Variants in CNTNAP2 observed in about 807,000 individuals in gnomAD.
CNTNAP2 encodes the protein contactin associated protein 2.
A neutral mutation model predicts 155.2 loss-of-function variants in CNTNAP2; 98 were observed. The observed-to-expected ratio is 0.63, with a 90% CI of 0.54 to 0.75. The LOEUF is 0.75. Ranked by LOEUF, CNTNAP2 falls within the 30% of genes least tolerant of loss-of-function variation. The pLI is 0.00. For missense variants in CNTNAP2, 1,727 were observed against 1,688.1 expected (o/e 1.02, Z -0.40); for synonymous variants, 651 against 631.2 (o/e 1.03, Z -0.47).
intron 1 of CNTNAP2, among the ~76,000 whole-genome samples, chr7:146,217,627 C>T (rs963057884): frequency 5.3e-5 from 8 of 152,036 alleles, no homozygotes; most frequent in African/African-American, 7.2e-5. Flanking sequence ...AAAAACTCTA[C>T]TGTGTTATGA....
intron 3 of CNTNAP2, among the ~76,000 whole-genome samples, chr7:146,902,586 C>T (rs1796025825): frequency 6.6e-6 from 1 of 152,110 alleles, no homozygotes; most frequent in African/African-American, 2.4e-5. Context: ...GCAGGACAAC[C>T]ACCTGTGGCT....
At chr7:147,639,061 T>C (rs1466160376) in intron 12 of CNTNAP2, 45 bp from the exon 13 acceptor site, 1 of 1,579,796 alleles carries the variant, frequency 6.3e-7, no homozygotes, top group Middle Eastern at 1.7e-4. Context: ...GGAGAAGCAT[T>C]TGCATACTAA....
At chr7:147,787,484 A>G (rs1584955033) in intron 13 of CNTNAP2, among the ~76,000 whole-genome samples, 1 of 152,242 alleles carries the variant, frequency 6.6e-6, no homozygotes, top group Admixed American at 6.5e-5. Flanking sequence ...TGTATACCAC[A>G]TGGTTAGAAT....
chr7:146,212,045 A>G (rs1799042272), intron 1 of CNTNAP2, among the ~76,000 whole-genome samples: 1 of 152,130 alleles, frequency 6.6e-6, no homozygotes, highest in Admixed American at 6.5e-5. Flanking sequence ...ATGCTCATTC[A>G]AAGATATTAA....
At chr7:146,521,453 C>T (rs903419683) in intron 1 of CNTNAP2, among the ~76,000 whole-genome samples, 1 of 151,676 alleles carries the variant, frequency 6.6e-6, no homozygotes, top group African/African-American at 2.4e-5. Context: ...GAATAATTTA[C>T]TTTTTTTTCC....
At chr7:147,199,941 A>G (rs184643776) in intron 8 of CNTNAP2, among the ~76,000 whole-genome samples, 1 of 152,280 alleles carries the variant, frequency 6.6e-6, no homozygotes, top group East Asian at 1.9e-4. Flanking sequence ...ATTAATATAA[A>G]CACATGCTAA....
chr7:146,287,819 A>G (rs1038356037), intron 1 of CNTNAP2, among the ~76,000 whole-genome samples: 1 of 152,176 alleles, frequency 6.6e-6, no homozygotes, highest in Non-Finnish European at 1.5e-5. Context: ...ATCTCATTTG[A>G]GCCTTGGAAT....
At chr7:147,145,883 A>C (rs1801691785) in intron 8 of CNTNAP2, among the ~76,000 whole-genome samples, 1 of 152,118 alleles carries the variant, frequency 6.6e-6, no homozygotes, top group South Asian at 2.1e-4. Flanking sequence ...CCCGGTACAC[A>C]CTTTATGTAC....
intron 12 of CNTNAP2, among the ~76,000 whole-genome samples, chr7:147,638,042 C>T (rs892106857): frequency 3.5e-4 from 54 of 152,238 alleles, no homozygotes; most frequent in African/African-American, 1.3e-3. Context: ...GGTTACCTAG[C>T]ATCTTCCAAA....
At chr7:147,138,004 GAATA>G (rs72427683) in intron 8 of CNTNAP2, among the ~76,000 whole-genome samples, 3,511 of 151,782 alleles carry the variant, frequency 0.023, 98 homozygotes, top group African/African-American at 0.071. Context: ...GGAATAGATT[GAATA>G]AATAAATAAA....
At chr7:146,231,243 C>T (rs1003711962) in intron 1 of CNTNAP2, among the ~76,000 whole-genome samples, 8 of 152,074 alleles carry the variant, frequency 5.3e-5, no homozygotes, top group African/African-American at 1.7e-4. Flanking sequence ...GACCCTGCAA[C>T]ATGGAAATAG....
chr7:146,969,185 A>G (rs1046970671), intron 3 of CNTNAP2, among the ~76,000 whole-genome samples: 44 of 152,182 alleles, frequency 2.9e-4, no homozygotes, highest in African/African-American at 1.1e-3. Flanking sequence ...ACAGTTTGTT[A>G]TAATGTCTGA....
chr7:147,839,897 G>GTA (rs748190593), intron 13 of CNTNAP2, among the ~76,000 whole-genome samples: 7 of 151,586 alleles, frequency 4.6e-5, no homozygotes, highest in East Asian at 3.9e-4. Context: ...GTGTGTGTGT[G>GTA]TATATATATG....
chr7:147,669,618 A>G (rs112177805), intron 13 of CNTNAP2, among the ~76,000 whole-genome samples: 1,663 of 152,260 alleles, frequency 0.011, 35 homozygotes, highest in African/African-American at 0.039. Context: ...TGGTAGTGAA[A>G]CAATGACTCC....
At chr7:147,478,325 G>T (rs925362725) in intron 10 of CNTNAP2, among the ~76,000 whole-genome samples, 4 of 151,876 alleles carry the variant, frequency 2.6e-5, no homozygotes, top group African/African-American at 9.7e-5. Flanking sequence ...GCTAATTTTT[G>T]TATTTTTATT....
intron 15 of CNTNAP2, among the ~76,000 whole-genome samples, chr7:148,058,992 A>G (rs1469685383): frequency 6.6e-6 from 1 of 152,006 alleles, no homozygotes; most frequent in African/African-American, 2.4e-5. Context: ...AAATTCATCA[A>G]GGGCCATCAA....
intron 11 of CNTNAP2, among the ~76,000 whole-genome samples, chr7:147,490,742 C>G (rs1051988107): frequency 3.3e-5 from 5 of 152,102 alleles, no homozygotes; most frequent in Non-Finnish European, 5.9e-5. Flanking sequence ...TCTCACACTG[C>G]TATAAAGTAA....
At chr7:148,367,267 G>A (rs895499576) in intron 21 of CNTNAP2, among the ~76,000 whole-genome samples, 6 of 151,992 alleles carry the variant, frequency 3.9e-5, no homozygotes, top group Admixed American at 2.0e-4. Context: ...CATCACATAT[G>A]TTTGGCAGGG....
chr7:146,652,125 A>G (rs1424195803), intron 1 of CNTNAP2, among the ~76,000 whole-genome samples: 2 of 152,166 alleles, frequency 1.3e-5, no homozygotes, highest in East Asian at 3.8e-4. Context: ...ACAGAAAAGA[A>G]AAAAGTTAAA....
Sources: gnomAD v4.1 joint callset for allele counts (sites outside exome capture counted in the v4.1 genomes callset) on GRCh38, gnomAD v4.1.1 for gene constraint, MANE v1.5 for transcripts, NCBI Gene and HGNC (gene_info 2026-07-23, HGNC 2026-07-21) for gene names.